The following CALCR variants were observed in gnomAD, a reference collection of about 807,000 sequenced individuals.
The protein encoded by CALCR is calcitonin receptor.
In CALCR, 47 loss-of-function variants were observed where a neutral mutation model predicts 59.5. The observed-to-expected ratio is 0.79, with a 90% CI of 0.63 to 1.01. The LOEUF (loss-of-function observed/expected upper bound fraction) is 1.01. Among genes scored for constraint, CALCR ranks in the 50% least tolerant of loss-of-function variants. CALCR has a pLI of 0.00. For missense variants in CALCR, 566 were observed against 597.1 expected, an observed-to-expected ratio of 0.95 and a Z score of 0.54; for synonymous variants, 213 against 211.3, an observed-to-expected ratio of 1.01 and a Z score of -0.07.
At chr7:93,510,070 T>G (rs1333555747) in intron 2 of CALCR, among the ~76,000 whole-genome samples, 5 of 152,048 alleles carry the variant, frequency 3.3e-5, no homozygotes, top group Admixed American at 3.3e-4. Flanking sequence ...ACTTTTGAGA[T>G]TTTTTTTCTT....
At chr7:93,498,507 T>G (rs1308794353) in intron 2 of CALCR, among the ~76,000 whole-genome samples, 1 of 151,670 alleles carries the variant, frequency 6.6e-6, no homozygotes, top group Non-Finnish European at 1.5e-5. Context: ...GGAACTCTAA[T>G]AGCAGCCATG....
At chr7:93,488,404 G>T (rs1489588177) in intron 2 of CALCR, among the ~76,000 whole-genome samples, 1 of 151,074 alleles carries the variant, frequency 6.6e-6, no homozygotes, top group Non-Finnish European at 1.5e-5. Context: ...TCACACATAA[G>T]AATGCTAACC....
At chr7:93,442,892 G>A (rs1799938078) in intron 9 of CALCR, among the ~76,000 whole-genome samples, 1 of 151,968 alleles carries the variant, frequency 6.6e-6, no homozygotes, top group Non-Finnish European at 1.5e-5. Flanking sequence ...TTCTTTCATT[G>A]CCTCACCTTC....
intron 2 of CALCR, among the ~76,000 whole-genome samples, chr7:93,560,444 T>C (rs1013172694): frequency 2.6e-5 from 4 of 152,060 alleles, no homozygotes; most frequent in African/African-American, 9.7e-5. Context: ...TGAGGTATCT[T>C]TTACAGATAC....
intron 2 of CALCR, among the ~76,000 whole-genome samples, chr7:93,551,771 C>T (rs1377030415): frequency 6.6e-6 from 1 of 152,042 alleles, no homozygotes; most frequent in Admixed American, 6.6e-5. Flanking sequence ...TCAAATTCTG[C>T]AGTATTTTGC....
chr7:93,519,033 G>A (rs1020985731), intron 2 of CALCR, among the ~76,000 whole-genome samples: 3 of 151,950 alleles, frequency 2.0e-5, no homozygotes, highest in South Asian at 2.1e-4. Context: ...AAAAGCTTAA[G>A]CCATGCTAAC....
At chr7:93,473,901 A>T (rs1332826746) in intron 5 of CALCR, among the ~76,000 whole-genome samples, 4 of 151,398 alleles carry the variant, frequency 2.6e-5, no homozygotes, top group South Asian at 2.1e-4. Flanking sequence ...TTTTATTTTA[A>T]TTTTTTTAGG....
At chr7:93,527,992 G>A (rs1028217251) in intron 2 of CALCR, among the ~76,000 whole-genome samples, 5 of 152,092 alleles carry the variant, frequency 3.3e-5, no homozygotes, top group Admixed American at 6.6e-5. Context: ...TAACCTAATG[G>A]TTTATCTGAG....
At chr7:93,561,621 G>T (rs1049893863) in intron 2 of CALCR, among the ~76,000 whole-genome samples, 2 of 152,086 alleles carry the variant, frequency 1.3e-5, no homozygotes, top group African/African-American at 4.8e-5. Flanking sequence ...GAAGGGAAAG[G>T]ATATAATCCC....
intron 2 of CALCR, among the ~76,000 whole-genome samples, chr7:93,487,703 A>C (rs1800976190): frequency 6.6e-6 from 1 of 151,510 alleles, no homozygotes; most frequent in South Asian, 2.1e-4. Context: ...CAGTTGAAAA[A>C]TACATATATT....
chr7:93,437,409 A>G (rs190273275), intron 11 of CALCR, among the ~76,000 whole-genome samples: 1 of 152,302 alleles, frequency 6.6e-6, no homozygotes, highest in East Asian at 1.9e-4. Flanking sequence ...AGAGTTAGAG[A>G]TTATCTTCCA....
chr7:93,560,226 T>C (rs1341172528), intron 2 of CALCR, among the ~76,000 whole-genome samples: 1 of 152,100 alleles, frequency 6.6e-6, no homozygotes, highest in African/African-American at 2.4e-5. Flanking sequence ...AGAATTATGA[T>C]GAAAATAAAG....
rs377418079 is a variant in CALCR, at chr7:93,472,401, T to G, written c.403A>C (p.Asn135His). The G allele has an allele frequency of 1.2e-6, 2 of 1,606,810 alleles. No homozygotes were observed. The highest frequency in any genetic ancestry group is 2.2e-5 in the South Asian group (2 of 90,554). ...TTCAGTTTCTCAGGAGTGAAAGCAT[T>G]GCACATAGTATAGTTGGACCAGGTT... ...NRTWSNYTMC[N>H]AFTPEKLKNA... Residue 135 changes from asparagine (N) to histidine (H), a missense_variant, in exon 6 of 14, where the codon AAT becomes CAT. Physicochemically the swap from Asn to His is moderately conservative, Grantham distance 68. Transcript: ENST00000426151.
At chr7:93,456,218 G>C (rs1387870921) in intron 8 of CALCR, among the ~76,000 whole-genome samples, 2 of 152,106 alleles carry the variant, frequency 1.3e-5, no homozygotes, top group East Asian at 3.9e-4. Flanking sequence ...ATTTGAGGAG[G>C]GACATGTGTT....
At chr7:93,461,412 G>A (rs1800333974) in intron 7 of CALCR, among the ~76,000 whole-genome samples, 1 of 152,114 alleles carries the variant, frequency 6.6e-6, no homozygotes. Flanking sequence ...CTATGTCCTT[G>A]AGCCATTGCA....
At chr7:93,463,252 T>A (rs1489143233) in intron 7 of CALCR, among the ~76,000 whole-genome samples, 1 of 151,794 alleles carries the variant, frequency 6.6e-6, no homozygotes, top group African/African-American at 2.4e-5. Context: ...AAACAGTATA[T>A]ATATATTTAG....
intron 2 of CALCR, among the ~76,000 whole-genome samples, chr7:93,542,700 T>TTTTA (rs71107895): frequency 0.38 from 57,535 of 151,726 alleles, 12,032 homozygotes; most frequent in Non-Finnish European, 0.48. Context: ...TACAAAAATA[T>TTTTA]TTTATTTCTT....
At chr7:93,540,154 G>A (rs1411197462) in intron 2 of CALCR, among the ~76,000 whole-genome samples, 2 of 152,162 alleles carry the variant, frequency 1.3e-5, no homozygotes, top group South Asian at 2.1e-4. Flanking sequence ...CAAAAACTCC[G>A]ATTAATTCAG....
At chr7:93,460,277 C>T (rs980577807) in intron 8 of CALCR, among the ~76,000 whole-genome samples, 2 of 151,658 alleles carry the variant, frequency 1.3e-5, no homozygotes, top group East Asian at 1.9e-4. Flanking sequence ...TGGTTTGGGC[C>T]GGGTGTGGTG....
Sources: allele counts gnomAD v4.1 joint callset (sites outside exome capture counted in the v4.1 genomes callset), GRCh38; gene constraint gnomAD v4.1.1; transcripts MANE v1.5; gene names NCBI Gene and HGNC (gene_info 2026-07-23, HGNC 2026-07-21).